Variants in AFF3 observed in about 807,000 individuals in gnomAD.
AFF3 encodes the protein ALF transcription elongation factor 3.
Under a neutral mutation model 129.7 loss-of-function variants are expected in AFF3, and 32 were observed. That is an observed-to-expected ratio of 0.25 (90% CI 0.19 to 0.33). AFF3 has a LOEUF of 0.33. Ranked by LOEUF, AFF3 falls within the 10% of genes least tolerant of loss-of-function variation. AFF3 has a pLI of 1.00. For synonymous variants in AFF3, 644 were observed against 635.4 expected (o/e 1.01, Z -0.20); for missense variants, 1,373 against 1,592.0 (o/e 0.86, Z 2.34).
intron 1 of AFF3, among the ~76,000 whole-genome samples, chr2:100,141,259 A>G (rs975845731): frequency 1.3e-5 from 2 of 152,238 alleles, no homozygotes; most frequent in Non-Finnish European, 2.9e-5. Flanking sequence ...TCTAAATGCA[A>G]ATCAAATATA....
chr2:99,704,653 T>C (rs1284020770), intron 11 of AFF3, among the ~76,000 whole-genome samples: 1 of 152,200 alleles, frequency 6.6e-6, no homozygotes, highest in East Asian at 1.9e-4. Flanking sequence ...TTCTAGAAGT[T>C]TGAGTCTAAA....
At chr2:99,722,199 T>A (rs982815279) in intron 11 of AFF3, among the ~76,000 whole-genome samples, 1 of 152,218 alleles carries the variant, frequency 6.6e-6, no homozygotes, top group African/African-American at 2.4e-5. Context: ...AGTTGCTTTA[T>A]AATTCTTGTC....
intron 8 of AFF3, among the ~76,000 whole-genome samples, chr2:99,790,895 C>T (rs977797509): frequency 6.6e-6 from 1 of 152,134 alleles, no homozygotes; most frequent in Non-Finnish European, 1.5e-5. Context: ...ACCGAAAACT[C>T]GAAATATCCA....
intron 7 of AFF3, among the ~76,000 whole-genome samples, chr2:99,994,971 G>A (rs1472312225): frequency 1.3e-5 from 2 of 152,188 alleles, no homozygotes; most frequent in Non-Finnish European, 2.9e-5. Context: ...AGACAAGTGA[G>A]AAGGGAACTG....
At chr2:100,105,623 G>A (rs1285823265) in intron 2 of AFF3, 40 bp from the exon 3 acceptor site, 1 of 1,338,562 alleles carries the variant, frequency 7.5e-7, no homozygotes, top group Admixed American at 2.3e-5. Flanking sequence ...CTCCTAAAGA[G>A]TAATAATAAT....
rs1300551350 is a variant in AFF3, at chr2:99,666,932, TAAAC to T, written c.1143+5602_1143+5605del. 2.6e-5 allele frequency among the ~76,000 whole-genome samples: 4 copies of T among 151,944 alleles called. No individual in the cohort carries two copies. In the East Asian group the frequency reaches 5.8e-4, roughly 22 times the overall value. ...AACCCGATTGAATAGAAAGAAGAAATAAACAAATCCACAATGACAGCCAGAGACT... is the reference window on the plus strand; with the variant it reads ...AACCCGATTGAATAGAAAGAAGAAATAAATCCACAATGACAGCCAGAGACT... On this transcript the variant is annotated intron_variant, in intron 12 of 24. Transcript: ENST00000672756.
chr2:100,138,720 G>A (rs778311638), intron 1 of AFF3, among the ~76,000 whole-genome samples: 3 of 152,038 alleles, frequency 2.0e-5, no homozygotes, highest in Admixed American at 6.6e-5. Context: ...AACGGGGGGC[G>A]CATCACCTGA....
intron 11 of AFF3, among the ~76,000 whole-genome samples, chr2:99,675,083 G>C (rs1687490883): frequency 6.6e-6 from 1 of 152,124 alleles, no homozygotes; most frequent in African/African-American, 2.4e-5. Context: ...ATTTCCAGAA[G>C]AAAAGCAGTC....
rs192267195 is a variant in AFF3, at chr2:99,880,809, C to A, written c.874-43285G>T. Reference sequence around the variant, plus strand: ...AAGAACGGGCATCTGTATGTGGCGACAGATGACGGAGTGCTGTTTGGGACG... The same window carrying A: ...AAGAACGGGCATCTGTATGTGGCGAAAGATGACGGAGTGCTGTTTGGGACG... On this transcript the variant is annotated intron_variant, in intron 7 of 24. Transcript: ENST00000672756. Among the ~76,000 whole-genome samples, 43 of 152,216 alleles carry A rather than the reference C, an allele frequency of 2.8e-4. No individual in the cohort carries two copies. The East Asian group carries it at 6.6e-3, about 23-fold the overall frequency.
intron 4 of AFF3, among the ~76,000 whole-genome samples, chr2:100,055,748 T>C (rs1429190965): frequency 6.6e-6 from 1 of 152,132 alleles, no homozygotes; most frequent in East Asian, 1.9e-4. Context: ...AAAGCAGCCT[T>C]AAACAATACA....
intron 8 of AFF3, among the ~76,000 whole-genome samples, chr2:99,756,167 T>G (rs1682081669): frequency 1.3e-5 from 2 of 152,218 alleles, no homozygotes; most frequent in South Asian, 2.1e-4. Context: ...TAAATCAGCC[T>G]AATGGCTCCC....
intron 7 of AFF3, among the ~76,000 whole-genome samples, chr2:99,870,938 A>G (rs1021318917): frequency 6.6e-6 from 1 of 152,228 alleles, no homozygotes; most frequent in Non-Finnish European, 1.5e-5. Context: ...TAGGCAATAT[A>G]AGATTATTCT....
At chr2:99,836,166 A>C (rs1205014042) in intron 8 of AFF3, among the ~76,000 whole-genome samples, 1 of 152,214 alleles carries the variant, frequency 6.6e-6, no homozygotes, top group Non-Finnish European at 1.5e-5. Flanking sequence ...TTTTCTACTT[A>C]GGGAAACCAA....
intron 8 of AFF3, among the ~76,000 whole-genome samples, chr2:99,825,883 T>C (rs1050530253): frequency 3.9e-5 from 6 of 152,232 alleles, no homozygotes; most frequent in African/African-American, 1.4e-4. Context: ...GTCTTGGCAG[T>C]CCTTGGAGAG....
At position 99,558,893 on chromosome 2, in the gene AFF3, T is replaced by C. The variant is rs1161309129; in HGVS notation, c.3267A>G (p.Ala1089=). 3.1e-6 allele frequency: 5 copies of C among 1,613,982 alleles called. No individual in the cohort carries two copies. Among genetic ancestry groups the C allele is most frequent in the African/African-American group, 1.3e-5 (1 of 74,934 alleles). The change falls in exon 22 of 25, where the codon GCA becomes GCG. Residue 1089 remains alanine, a synonymous_variant. Coordinates refer to ENST00000672756, the MANE Select transcript of AFF3 (RefSeq NM_001386135.1). ...ACAGTACCTTGAAATAGTCGATTAG[T>C]GCTTTTGAATACTTTACAGCGTGGT... is the stretch of plus-strand genomic sequence containing the variant. ...KRDHAVKYSK[A]LIDYFKNSSK...
At chr2:100,061,736 C>A (rs11695782) in intron 4 of AFF3, among the ~76,000 whole-genome samples, 23,351 of 151,792 alleles carry the variant, frequency 0.15, 1,904 homozygotes, top group South Asian at 0.2. Context: ...TTTTTTATAC[C>A]CCGACCTACT....
chr2:99,858,647 G>T (rs1473781116), intron 7 of AFF3, among the ~76,000 whole-genome samples: 1 of 152,156 alleles, frequency 6.6e-6, no homozygotes, highest in South Asian at 2.1e-4. Flanking sequence ...ACTAACACAG[G>T]AACAGAAAAC....
At chr2:99,758,478 C>T (rs1038795287) in intron 8 of AFF3, among the ~76,000 whole-genome samples, 4 of 148,890 alleles carry the variant, frequency 2.7e-5, no homozygotes, top group South Asian at 2.2e-4. Flanking sequence ...CACAGCTACT[C>T]GGGCAGCTGA....
chr2:99,889,693 C>T (rs909355642), intron 7 of AFF3, among the ~76,000 whole-genome samples: 3 of 152,138 alleles, frequency 2.0e-5, no homozygotes, highest in African/African-American at 7.2e-5. Flanking sequence ...GAGTCTCACT[C>T]TGTTGCCCAG....
Sources: gnomAD v4.1 joint callset for allele counts (sites outside exome capture counted in the v4.1 genomes callset) on GRCh38, gnomAD v4.1.1 for gene constraint, MANE v1.5 for transcripts, NCBI Gene and HGNC (gene_info 2026-07-23, HGNC 2026-07-21) for gene names.